HEATR6: variants seen among roughly 807,000 people sequenced by gnomAD.
HEATR6 encodes HEAT repeat-containing protein 6.
HEATR6 carries 106 observed loss-of-function variants against 132.8 expected under a neutral mutation model. That is an observed-to-expected ratio of 0.80 (90% confidence interval 0.68 to 0.94). The LOEUF is 0.94. Among genes scored for constraint, HEATR6 ranks in the 40% least tolerant of loss-of-function variants. The probability of loss-of-function intolerance (pLI) is 0.00; values close to 1 mark genes in which losing one functional copy is unlikely to be tolerated. For missense variants in HEATR6, 1,339 were observed against 1,425.1 expected (o/e 0.94, Z 0.97); for synonymous variants, 529 against 537.8 (o/e 0.98, Z 0.23).
chr17:60,073,855 A>G lies in HEATR6; in HGVS notation c.359T>C (p.Leu120Pro), dbSNP rs1420869226. 1 of 1,614,012 alleles carries G rather than the reference A, an allele frequency of 6.2e-7. No individual in the cohort carries two copies. The highest frequency in any genetic ancestry group is 8.5e-7 in the Non-Finnish European group (1 of 1,179,942). ...VIVDEQHLDF[L>P]LAYTISAIHQ... ...AATAGCCGAAATAGTATATGCCAACAGGAAATCCAAGTGCTGTTCATCAAC... is the reference window on the plus strand; with the variant it reads ...AATAGCCGAAATAGTATATGCCAACGGGAAATCCAAGTGCTGTTCATCAAC... Residue 120 changes from leucine (L) to proline (P), a missense_variant, in exon 3 of 20, where the codon CTG (leucine) becomes CCG (proline). By Grantham distance (98) the Leu-to-Pro change is moderately conservative. Transcript: ENST00000184956.
rs561131622 is a variant in HEATR6, at chr17:60,048,975, A to AACGTGTG, written c.2548-588_2548-587insCACACGT. On this transcript the variant is annotated intron_variant, in intron 16 of 19. Coordinates refer to ENST00000184956, the MANE Select transcript of HEATR6 (RefSeq NM_022070.5). ...ATTAAAAATTAAAAATAAATAACAT[A>AACGTGTG]TATATATAATATATATATATATATA... is the stretch of plus-strand genomic sequence containing the variant. Among the ~76,000 whole-genome samples the AACGTGTG allele has an allele frequency of 3.9e-3, 247 of 63,812 alleles. 1 individual carries two copies. The highest frequency in any genetic ancestry group is 0.029 in the African/African-American group (196 of 6,704). The allele number at this position is 63,812 out of a possible 152,430, so 41.9% of individuals were successfully genotyped here. A position where few individuals can be genotyped will look rare whatever the true frequency, so the allele number is the denominator to read the frequency against.
At chr17:60,048,612 C>T (rs1486654115) in intron 16 of HEATR6, among the ~76,000 whole-genome samples, 3 of 152,084 alleles carry the variant, frequency 2.0e-5, no homozygotes, top group South Asian at 2.1e-4. Context: ...CATGGACACC[C>T]GAGGAGCCTA....
At position 60,073,910 on chromosome 17, in the gene HEATR6, TTCTGA is replaced by T. The variant is rs746055734; in HGVS notation, c.328-29_328-25del. 7 of 1,606,004 alleles carry T rather than the reference TTCTGA, an allele frequency of 4.4e-6. No homozygotes were observed. In the African/African-American group the frequency reaches 8.1e-5, roughly 18 times the overall value. On this transcript the variant is annotated intron_variant, in intron 2 of 19. Coordinates refer to ENST00000184956, the MANE Select transcript of HEATR6 (RefSeq NM_022070.5). ...ACCTAACAGGACAGGAAAAGATATATTCTGATCTAACTTTTAAAAAATATTATGCT... is the reference window on the plus strand; with the variant it reads ...ACCTAACAGGACAGGAAAAGATATATTCTAACTTTTAAAAAATATTATGCT...
At chr17:60,054,830 T>C (rs994821358) in intron 14 of HEATR6, among the ~76,000 whole-genome samples, 7 of 152,160 alleles carry the variant, frequency 4.6e-5, no homozygotes, top group Non-Finnish European at 1.0e-4. Flanking sequence ...TGGGGAACTA[T>C]TGGGAGGAGG....
intron 9 of HEATR6, among the ~76,000 whole-genome samples, chr17:60,062,357 G>C (rs770898601): frequency 6.6e-6 from 1 of 152,186 alleles, no homozygotes; most frequent in African/African-American, 2.4e-5. Context: ...TGAATGAAAG[G>C]CTTTTCAGTC....
chr17:60,058,828 C>G (rs1237328787), intron 11 of HEATR6, among the ~76,000 whole-genome samples: 1 of 152,092 alleles, frequency 6.6e-6, no homozygotes, highest in African/African-American at 2.4e-5. Context: ...CTGAACTCAT[C>G]AGAATGTGGT....
intron 12 of HEATR6, among the ~76,000 whole-genome samples, chr17:60,056,723 T>A (rs1418575170): frequency 6.6e-6 from 1 of 152,246 alleles, no homozygotes; most frequent in Non-Finnish European, 1.5e-5. Flanking sequence ...GAATTAAACA[T>A]TTAAGTTGCA....
In HEATR6 at chr17:60,043,903, C is replaced by T. The variant is rs34895210; in HGVS notation, c.3206G>A (p.Arg1069Gln). Residue 1069 changes from arginine (R) to glutamine (Q), a missense_variant, in exon 20 of 20, where the codon CGG becomes CAG. Transcript: ENST00000184956. ...AATCAGTGCCTGGCAGATTTGGGTC[C>T]GTAGGCTGACACAGTACTTGAATTC... ...FLEFKYCVSL[R>Q]TQICQALIHL... is the part of the protein sequence containing the mutation. 3.7e-4 allele frequency: 591 copies of T among 1,614,112 alleles called. 7 individuals are homozygous for T. In the African/African-American group the frequency reaches 6.5e-3, roughly 18 times the overall value.
At position 60,047,742 on chromosome 17, in the gene HEATR6, G is replaced by A. The variant is rs188926299; in HGVS notation, c.2673-337C>T. Among the ~76,000 whole-genome samples the A allele has an allele frequency of 2.7e-3, 405 of 152,204 alleles. 1 individual carries two copies. The highest frequency in any genetic ancestry group is 4.4e-3 in the Non-Finnish European group (297 of 68,026). Reference sequence around the variant, plus strand: ...TGATAATTATGTAATCATAAATAAGGATTTCTAACAAGTCAATAATAGAAT... The same window carrying A: ...TGATAATTATGTAATCATAAATAAGAATTTCTAACAAGTCAATAATAGAAT... On this transcript the variant is annotated intron_variant, in intron 17 of 19. Transcript: ENST00000184956.
In HEATR6 at chr17:60,078,916, T is replaced by A; in HGVS notation, c.-2A>T. The A allele has an allele frequency of 2.5e-6, 1 of 394,920 alleles. No homozygotes were observed. Among genetic ancestry groups the A allele is most frequent in the East Asian group, 1.1e-4 (1 of 9,118 alleles). 24.5% of individuals were successfully genotyped at this position (394,920 alleles called of 1,614,324 possible). A position where few individuals can be genotyped will look rare whatever the true frequency, so the allele number is the denominator to read the frequency against. On this transcript the variant is annotated 5_prime_UTR_variant, in exon 1 of 20. It adds an upstream start codon to the 5' untranslated region. Transcript: ENST00000184956. ...ACCGACAACTTGCACAGCAGCCATC[T>A]TTTCTACGGGCGGGGGGGGTGGGTG...
Position 60,043,663 on chromosome 17 carries a change from G to A in HEATR6, c.3446C>T (p.Thr1149Ile). The A allele has an allele frequency of 6.2e-7, 1 of 1,614,186 alleles. No individual in the cohort carries two copies. The highest frequency in any genetic ancestry group is 8.5e-7 in the Non-Finnish European group (1 of 1,180,040). Residue 1149 changes from threonine (T) to isoleucine (I), a missense_variant, in exon 20 of 20, where the codon ACA becomes ATA. Transcript: ENST00000184956. ...MGSIQAPTGD[T>I]ARRAIMGFLE... ...AAAGCCCATGATGGCCCTTCTGGCT[G>A]TGTCTCCAGTTGGTGCCTGGATGCT...
chr17:60,073,877 C>T lies in HEATR6; in HGVS notation c.337G>A (p.Asp113Asn). Residue 113 changes from aspartate to asparagine, a missense_variant, in exon 3 of 20, where the codon GAT becomes AAT. Asp to Asn is a conservative substitution (Grantham distance 23, BLOSUM62 1). Transcript: ENST00000184956. ...AACAGGAAATCCAAGTGCTGTTCAT[C>T]AACAATTACCTAACAGGACAGGAAA... ...HLLNRLQVIVDEQHLDFLLAY... is the reference protein window; with the variant it reads ...HLLNRLQVIVNEQHLDFLLAY... 6.8e-6 allele frequency: 11 copies of T among 1,612,996 alleles called. No individual in the cohort carries two copies. Among genetic ancestry groups the T allele is most frequent in the Non-Finnish European group, 9.3e-6 (11 of 1,179,616 alleles).
chr17:60,066,252 G>A lies in HEATR6; in HGVS notation c.1373C>T (p.Ser458Leu). 6.2e-7 allele frequency: 1 copy of A among 1,614,048 alleles called. No individual in the cohort carries two copies. The highest frequency in any genetic ancestry group is 8.5e-7 in the Non-Finnish European group (1 of 1,179,968). ...PDTPELGSPQ[S>L]VSLMTLTLKD... ...CAATGTAAGAGTCATCAAGGACACTGACTGTGGGCTGCCAAGTTCAGGCGT... is the reference window on the plus strand; with the variant it reads ...CAATGTAAGAGTCATCAAGGACACTAACTGTGGGCTGCCAAGTTCAGGCGT... The change falls in exon 9 of 20, where the codon TCA (serine) becomes TTA (leucine). Residue 458 changes from serine to leucine, a missense_variant. Physicochemically the swap from Ser to Leu is moderately radical, Grantham distance 145. Coordinates refer to ENST00000184956, the MANE Select transcript of HEATR6 (RefSeq NM_022070.5).
At chr17:60,049,506 G>A (rs1906510679) in intron 16 of HEATR6, 74 bp downstream of exon 16, 3 of 1,546,828 alleles carry the variant, frequency 1.9e-6, no homozygotes, top group East Asian at 2.3e-5. Context: ...CAATGCAGGA[G>A]CTCTATATCC....
rs969748625 is a variant in HEATR6 at position 60,042,395 on chromosome 17, G to A, written c.*1168C>T. Among the ~76,000 whole-genome samples, 8 of 140,150 alleles carry A rather than the reference G, an allele frequency of 5.7e-5. No individual in the cohort carries two copies. Among genetic ancestry groups the A allele is most frequent in the Non-Finnish European group, 7.6e-5 (5 of 65,920 alleles). The allele number at this position is 140,150 out of a possible 152,430, so 91.9% of individuals were successfully genotyped here. On this transcript the variant is annotated 3_prime_UTR_variant, in exon 20 of 20. Transcript: ENST00000184956. ...TGTGAGGCACTGTCAGCATCCTCGC[G>A]TCCTGTGCGGCTGTGAGGCACTGTC...
chr17:60,057,802 AT>A (rs1430177367), intron 11 of HEATR6, among the ~76,000 whole-genome samples: 1 of 152,174 alleles, frequency 6.6e-6, no homozygotes, highest in East Asian at 1.9e-4. Context: ...AACAAGAAAT[AT>A]TTTTAAAAAG....
At position 60,060,064 on chromosome 17, in the gene HEATR6, G is replaced by A. The variant is rs1055598720; in HGVS notation, c.1449C>T (p.Ala483=). 6.2e-6 allele frequency: 10 copies of A among 1,613,920 alleles called. No homozygotes were observed. The highest frequency in any genetic ancestry group is 1.1e-5 in the South Asian group (1 of 91,058). Reference sequence around the variant, plus strand: ...GAAACTGCTTTGAGCCTTCCAAGATGGCAGATAAAACTTGCAGAGCACAGG... The same window carrying A: ...GAAACTGCTTTGAGCCTTCCAAGATAGCAGATAAAACTTGCAGAGCACAGG... The part of the protein sequence containing the change: ...TRACALQVLS[A]ILEGSKQFLS... Residue 483 remains alanine, a synonymous_variant, in exon 10 of 20, where the codon GCC becomes GCT. Transcript: ENST00000184956.
At chr17:60,060,812 G>A (rs2083206741) in intron 9 of HEATR6, among the ~76,000 whole-genome samples, 1 of 152,162 alleles carries the variant, frequency 6.6e-6, no homozygotes, top group Non-Finnish European at 1.5e-5. Flanking sequence ...AACACTGCCT[G>A]CAGTGACAGT....
At chr17:60,070,526 GATTT>G (rs1213762682) in intron 6 of HEATR6, among the ~76,000 whole-genome samples, 176 bp downstream of exon 6, 1 of 152,080 alleles carries the variant, frequency 6.6e-6, no homozygotes, top group Non-Finnish European at 1.5e-5. Context: ...ATTAAATGGA[GATTT>G]ATTTTCTGTT....
Sources: allele counts gnomAD v4.1 joint callset (sites outside exome capture counted in the v4.1 genomes callset), GRCh38; gene constraint gnomAD v4.1.1; transcripts MANE v1.5; gene names NCBI Gene and HGNC (gene_info 2026-07-23, HGNC 2026-07-21).